Variants in ATP8A2 observed in about 807,000 individuals in gnomAD.
ATP8A2 encodes ATPase phospholipid transporting 8A2, also known as phospholipid-transporting ATPase IB.
A neutral mutation model predicts 165.6 loss-of-function variants in ATP8A2; 100 were observed. The observed-to-expected ratio is 0.60, with a 90% CI of 0.51 to 0.71. ATP8A2 has a LOEUF of 0.71. Among genes scored for constraint, ATP8A2 ranks in the 30% least tolerant of loss-of-function variants. The pLI is 0.00. For synonymous variants in ATP8A2, 543 were observed against 548.8 expected, an observed-to-expected ratio of 0.99 and a Z score of 0.15; for missense variants, 1,227 against 1,479.5, an observed-to-expected ratio of 0.83 and a Z score of 2.80.
rs775484519 is a variant in ATP8A2 at position 25,469,140 on chromosome 13, C to T, written c.221+19C>T. 1.4e-5 allele frequency: 23 copies of T among 1,612,716 alleles called. 1 individual carries two copies. The South Asian group carries it at 2.4e-4, about 17-fold the overall frequency. On this transcript the variant is annotated intron_variant, in intron 2 of 36. Coordinates refer to ENST00000381655, the MANE Select transcript of ATP8A2 (RefSeq NM_016529.6). Reference sequence around the variant, plus strand: ...AGATCAGGTAGGAGAAGGCGGCCGGCTCGCGCGGAAGGCGGTGGAGTCACA... The same window carrying T: ...AGATCAGGTAGGAGAAGGCGGCCGGTTCGCGCGGAAGGCGGTGGAGTCACA...
At chr13:25,745,560 A>G (rs868791254) in intron 25 of ATP8A2, among the ~76,000 whole-genome samples, 17 of 152,306 alleles carry the variant, frequency 1.1e-4, no homozygotes, top group South Asian at 4.1e-4. Flanking sequence ...GTCTACATCT[A>G]TCTAGGCTCT....
At chr13:26,010,015 G>A (rs1362521415) in intron 35 of ATP8A2, among the ~76,000 whole-genome samples, 3 of 152,162 alleles carry the variant, frequency 2.0e-5, no homozygotes, top group African/African-American at 7.2e-5. Context: ...GCAGTGAGCC[G>A]AGATTGCGCC....
intron 33 of ATP8A2, among the ~76,000 whole-genome samples, chr13:25,872,472 C>A (rs1952705352): frequency 1.3e-5 from 2 of 152,284 alleles, no homozygotes; most frequent in Admixed American, 1.3e-4. Flanking sequence ...ATAGCAGAAA[C>A]ACAGTTGGTT....
chr13:25,592,405 G>C (rs531035686), intron 24 of ATP8A2, among the ~76,000 whole-genome samples: 2 of 152,290 alleles, frequency 1.3e-5, no homozygotes, highest in East Asian at 3.9e-4. Context: ...TCATCAATAA[G>C]AATTTCTATT....
intron 1 of ATP8A2, among the ~76,000 whole-genome samples, chr13:25,407,351 AC>A (rs2033834224): frequency 6.6e-6 from 1 of 152,156 alleles, no homozygotes; most frequent in South Asian, 2.1e-4. Flanking sequence ...CCCTATGAAG[AC>A]CCTTCCTCAC....
intron 10 of ATP8A2, 44 bp downstream of exon 10, chr13:25,543,446 CT>C: frequency 7.9e-7 from 1 of 1,262,342 alleles, no homozygotes; most frequent in Admixed American, 1.8e-5. Flanking sequence ...TTTCTTTCTG[CT>C]TTTATTGACT....
At position 25,571,593 on chromosome 13, in the gene ATP8A2, C is replaced by G. The variant is rs572041621; in HGVS notation, c.1580-17C>G. ...TACCAGTGATATGTCAATGTTTCAC[C>G]AACTCCCACTTGACAGATGAAGCTG... On this transcript the variant is annotated splice_polypyrimidine_tract_variant and intron_variant, in intron 17 of 36. Transcript: ENST00000381655. 3.7e-6 allele frequency: 6 copies of G among 1,602,772 alleles called. No homozygotes were observed. The South Asian group carries it at 6.6e-5, about 18-fold the overall frequency.
intron 27 of ATP8A2, among the ~76,000 whole-genome samples, chr13:25,792,086 A>G (rs2045194620): frequency 6.6e-6 from 1 of 152,218 alleles, no homozygotes; most frequent in East Asian, 1.9e-4. Context: ...AGTATGGCTA[A>G]TAACTCCATT....
chr13:25,795,091 A>C (rs924409856), intron 27 of ATP8A2, among the ~76,000 whole-genome samples: 1 of 152,154 alleles, frequency 6.6e-6, no homozygotes, highest in African/African-American at 2.4e-5. Context: ...AGTTGGAAAA[A>C]AACTAAAGCT....
chr13:25,566,069 T>C (rs2039304501), intron 16 of ATP8A2, among the ~76,000 whole-genome samples: 1 of 152,182 alleles, frequency 6.6e-6, no homozygotes, highest in Non-Finnish European at 1.5e-5. Flanking sequence ...AAACTTTTTC[T>C]AAGTTTTCAT....
chr13:25,768,082 G>GA (rs1472415928), intron 25 of ATP8A2, among the ~76,000 whole-genome samples: 1 of 136,200 alleles, frequency 7.3e-6, no homozygotes, highest in Non-Finnish European at 1.6e-5. Context: ...GGCGTGGGGG[G>GA]GGGGTGGTGG....
chr13:25,811,733 T>A (rs539657368), intron 27 of ATP8A2, among the ~76,000 whole-genome samples: 16 of 152,260 alleles, frequency 1.1e-4, no homozygotes, highest in Admixed American at 1.0e-3. Flanking sequence ...TGGTGGCATG[T>A]TCCTATAGTC....
intron 34 of ATP8A2, among the ~76,000 whole-genome samples, chr13:25,962,194 A>G (rs1316497854): frequency 6.6e-6 from 1 of 152,198 alleles, no homozygotes; most frequent in East Asian, 1.9e-4. Context: ...TCTTTATATC[A>G]TAAACTCAGT....
chr13:25,450,624 C>CG (rs1232104386), intron 1 of ATP8A2, among the ~76,000 whole-genome samples: 2 of 151,864 alleles, frequency 1.3e-5, no homozygotes, highest in Non-Finnish European at 2.9e-5. Flanking sequence ...CTCCGCCTCC[C>CG]GGGTTCACGC....
chr13:25,432,808 C>T (rs1436016317), intron 1 of ATP8A2, among the ~76,000 whole-genome samples: 1 of 152,174 alleles, frequency 6.6e-6, no homozygotes, highest in Non-Finnish European at 1.5e-5. Context: ...GGTAGATGTT[C>T]TTTCATGGAG....
intron 30 of ATP8A2, among the ~76,000 whole-genome samples, chr13:25,843,853 G>C (rs940226978): frequency 4.6e-5 from 7 of 152,282 alleles, no homozygotes; most frequent in Non-Finnish European, 1.0e-4. Context: ...AGGAGGTAGG[G>C]GCTGGAAAAG....
At chr13:25,585,662 T>C (rs939993948) in intron 23 of ATP8A2, among the ~76,000 whole-genome samples, 1 of 152,210 alleles carries the variant, frequency 6.6e-6, no homozygotes, top group African/African-American at 2.4e-5. Context: ...TAGATTATCT[T>C]TGAAGTTTAA....
intron 25 of ATP8A2, among the ~76,000 whole-genome samples, chr13:25,738,345 C>CT (rs1432534324): frequency 1.4e-4 from 18 of 126,890 alleles, no homozygotes; most frequent in Non-Finnish European, 1.6e-4. Flanking sequence ...CCCCCTCCCC[C>CT]CCCCCCACAC....
intron 24 of ATP8A2, among the ~76,000 whole-genome samples, chr13:25,593,576 G>A (rs7332454): frequency 0.61 from 92,528 of 151,986 alleles, 28,824 homozygotes; most frequent in African/African-American, 0.69. Flanking sequence ...TTTTCAGTTA[G>A]AAAAGTACTG....
Sources: allele counts gnomAD v4.1 joint callset (sites outside exome capture counted in the v4.1 genomes callset), GRCh38; gene constraint gnomAD v4.1.1; transcripts MANE v1.5; gene names NCBI Gene and HGNC (gene_info 2026-07-23, HGNC 2026-07-21).